CYP2C18: variants seen among roughly 807,000 people sequenced by gnomAD.
CYP2C18 encodes cytochrome P450 family 2 subfamily C member 18, also known as cytochrome P450 2C18.
A neutral mutation model predicts 41.3 loss-of-function variants in CYP2C18; 38 were observed. The observed-to-expected ratio is 0.92, with a 90% confidence interval of 0.71 to 1.21. The LOEUF is 1.21. Ranked by LOEUF, CYP2C18 falls within the 50% of genes most tolerant of loss-of-function variation. The pLI is 0.00. For synonymous variants in CYP2C18, 236 were observed against 210.0 expected (o/e 1.12, Z -1.07); for missense variants, 635 against 591.4 (o/e 1.07, Z -0.77).
At chr10:94,732,374 G>A (rs1343090520) in intron 7 of CYP2C18, among the ~76,000 whole-genome samples, 1 of 152,090 alleles carries the variant, frequency 6.6e-6, no homozygotes, top group Non-Finnish European at 1.5e-5. Context: ...CTCTTGGTGG[G>A]AATGTAAATT....
chr10:94,713,063 G>A (rs966949550), intron 5 of CYP2C18, among the ~76,000 whole-genome samples: 3 of 151,794 alleles, frequency 2.0e-5, no homozygotes, highest in East Asian at 3.9e-4. Context: ...AGTTGTTTAA[G>A]TTCCACATAT....
At chr10:94,715,699 A>G (rs538683801) in intron 5 of CYP2C18, among the ~76,000 whole-genome samples, 101 of 152,280 alleles carry the variant, frequency 6.6e-4, no homozygotes, top group Non-Finnish European at 1.3e-3. Context: ...GGCCTCATCA[A>G]ATGCATTAGG....
intron 4 of CYP2C18, among the ~76,000 whole-genome samples, chr10:94,700,532 C>A (rs1327392429): frequency 2.0e-5 from 3 of 152,134 alleles, no homozygotes; most frequent in African/African-American, 7.2e-5. Context: ...TAGAAGAAAA[C>A]CTAGGCAATA....
intron 4 of CYP2C18, among the ~76,000 whole-genome samples, chr10:94,704,518 G>A (rs1847303313): frequency 6.6e-6 from 1 of 151,750 alleles, no homozygotes; most frequent in Non-Finnish European, 1.5e-5. Flanking sequence ...ATAAATAGCA[G>A]AAGAAAGATG....
At chr10:94,700,249 A>T (rs1374080129) in intron 4 of CYP2C18, among the ~76,000 whole-genome samples, 1 of 152,238 alleles carries the variant, frequency 6.6e-6, no homozygotes, top group Non-Finnish European at 1.5e-5. Context: ...TACAGTAAGC[A>T]AAACAGCATG....
In CYP2C18 at chr10:94,694,850, T is replaced by C. The variant is rs546288967; in HGVS notation, c.482-67T>C. On this transcript the variant is annotated intron_variant, in intron 3 of 8. Coordinates refer to ENST00000285979, the MANE Select transcript of CYP2C18 (RefSeq NM_000772.3). ...TAGAGTTTCTAAAAATACTTTTTCC[T>C]GTATCAAAGACAAAGTATTTTATAT... 52 of 1,525,092 alleles carry C rather than the reference T, an allele frequency of 3.4e-5. No homozygotes were observed. In the South Asian group the frequency reaches 5.9e-4, roughly 17 times the overall value. 94.5% of individuals were successfully genotyped at this position (1,525,092 alleles called of 1,614,324 possible). A position where few individuals can be genotyped will look rare whatever the true frequency, so the allele number is the denominator to read the frequency against.
At chr10:94,708,042 A>G (rs1020446536) in intron 5 of CYP2C18, among the ~76,000 whole-genome samples, 4 of 152,318 alleles carry the variant, frequency 2.6e-5, no homozygotes, top group African/African-American at 7.2e-5. Context: ...AGAGAATAAA[A>G]TCTTTCCTCT....
chr10:94,709,752 G>C (rs1028827003), intron 5 of CYP2C18, among the ~76,000 whole-genome samples: 2 of 152,144 alleles, frequency 1.3e-5, no homozygotes, highest in Admixed American at 1.3e-4. Flanking sequence ...TTAGGTCTAA[G>C]ATCCACTCTG....
In CYP2C18 at chr10:94,689,997, T is replaced by C. The variant is rs192170241; in HGVS notation, c.481+1723T>C. Among the ~76,000 whole-genome samples the C allele has an allele frequency of 1.6e-3, 237 of 152,252 alleles. 1 individual carries two copies. Among genetic ancestry groups the C allele is most frequent in the Non-Finnish European group, 2.7e-3 (187 of 68,020 alleles). On this transcript the variant is annotated intron_variant, in intron 3 of 8. Transcript: ENST00000285979. Reference sequence around the variant, plus strand: ...CCCCAATGAAGGCTCAGCCCCATGGTTTCTTTTTGCTCTTGCTGCCTCCTG... The same window carrying C: ...CCCCAATGAAGGCTCAGCCCCATGGCTTCTTTTTGCTCTTGCTGCCTCCTG...
In CYP2C18 at chr10:94,706,922, C is replaced by A; in HGVS notation, c.781C>A (p.Arg261=). The A allele has an allele frequency of 6.2e-7, 1 of 1,610,568 alleles. No individual in the cohort carries two copies. Among genetic ancestry groups the A allele is most frequent in the South Asian group, 1.1e-5 (1 of 90,394 alleles). Residue 261 remains arginine, a synonymous_variant, in exon 5 of 9, where the codon CGG becomes AGG. Coordinates refer to ENST00000285979, the MANE Select transcript of CYP2C18 (RefSeq NM_000772.3). ...HQESLDMNSA[R]DFIDCFLIKM... is the part of the protein sequence containing the mutation. ...AGAATCCCTGGACATGAACAGTGCT[C>A]GGGACTTTATTGATTGTTTCCTGAT...
In CYP2C18 at chr10:94,708,021, G is replaced by T. The variant is rs74152331; in HGVS notation, c.819+1061G>T. Among the ~76,000 whole-genome samples the T allele has an allele frequency of 6.9e-3, 1,043 of 152,244 alleles. 15 individuals are homozygous for T. The highest frequency in any genetic ancestry group is 0.024 in the African/African-American group (1,003 of 41,548). The stretch of plus-strand genomic sequence containing the variant: ...GGCCCAATCCAGAACAAACTGAAAA[G>T]AGTTAACTCTAGAGAATAAAATCTT... On this transcript the variant is annotated intron_variant, in intron 5 of 8. Coordinates refer to ENST00000285979, the MANE Select transcript of CYP2C18 (RefSeq NM_000772.3).
intron 4 of CYP2C18, among the ~76,000 whole-genome samples, chr10:94,705,820 G>T (rs1847332865): frequency 6.6e-6 from 1 of 152,136 alleles, no homozygotes; most frequent in South Asian, 2.1e-4. Context: ...TTACAGATGA[G>T]AAAAGAAATG....
At chr10:94,724,582 AATTC>A in intron 7 of CYP2C18, 49 bp downstream of exon 7, 4 of 1,510,702 alleles carry the variant, frequency 2.6e-6, no homozygotes, top group Non-Finnish European at 3.7e-6. Context: ...CAAGTCCCCA[AATTC>A]ATAGTATAGT....
At chr10:94,700,179 A>T (rs1363170929) in intron 4 of CYP2C18, among the ~76,000 whole-genome samples, 1 of 152,208 alleles carries the variant, frequency 6.6e-6, no homozygotes, top group African/African-American at 2.4e-5. Context: ...AGTCAATCCT[A>T]AGCCGAAAGA....
At chr10:94,695,776 T>C (rs1847105372) in intron 4 of CYP2C18, among the ~76,000 whole-genome samples, 1 of 152,098 alleles carries the variant, frequency 6.6e-6, no homozygotes, top group African/African-American at 2.4e-5. Context: ...ATCGGGTCAC[T>C]CCCACCCTAA....
chr10:94,728,196 A>G (rs1198253549), intron 7 of CYP2C18, among the ~76,000 whole-genome samples: 1 of 152,114 alleles, frequency 6.6e-6, no homozygotes, highest in Non-Finnish European at 1.5e-5. Context: ...CTTGTTATGT[A>G]AAATGTTGCT....
rs145396926 is a variant in CYP2C18, at chr10:94,684,169, A to G, written c.168+182A>G. Among the ~76,000 whole-genome samples the G allele has an allele frequency of 3.4e-3, 513 of 152,326 alleles. 2 individuals carry two copies. The highest frequency in any genetic ancestry group is 0.012 in the African/African-American group (497 of 41,582). Reference sequence around the variant, plus strand: ...TATCAGGGTAATTAGCATATCCATCATCTCAAATATTTGTCATTTCTTTGT... The same window carrying G: ...TATCAGGGTAATTAGCATATCCATCGTCTCAAATATTTGTCATTTCTTTGT... On this transcript the variant is annotated intron_variant, in intron 1 of 8. Transcript: ENST00000285979.
chr10:94,735,492 C>A lies in CYP2C18; in HGVS notation c.*48C>A. ...CTCCTGTGCTGTCACCTGCAATTCT[C>A]CCTTATCAGGGCCATTGGCCTCTCC... On this transcript the variant is annotated 3_prime_UTR_variant, in exon 9 of 9. Transcript: ENST00000285979. 3 of 1,588,742 alleles carry A rather than the reference C, an allele frequency of 1.9e-6. No individual in the cohort carries two copies. The highest frequency in any genetic ancestry group is 2.6e-6 in the Non-Finnish European group (3 of 1,158,022).
intron 5 of CYP2C18, among the ~76,000 whole-genome samples, chr10:94,708,256 G>A (rs1187792370): frequency 1.3e-5 from 2 of 152,142 alleles, no homozygotes; most frequent in African/African-American, 4.8e-5. Flanking sequence ...GGAAACTGGA[G>A]AAGGGAAGAA....
Sources: gnomAD v4.1 joint callset for allele counts (sites outside exome capture counted in the v4.1 genomes callset) on GRCh38, gnomAD v4.1.1 for gene constraint, MANE v1.5 for transcripts, NCBI Gene and HGNC (gene_info 2026-07-23, HGNC 2026-07-21) for gene names.